Variants in L3MBTL2 observed in about 807,000 individuals in gnomAD.
L3MBTL2 encodes L3MBTL histone methyl-lysine binding protein 2.
In L3MBTL2, 49 loss-of-function variants were observed where a neutral mutation model predicts 86.4. The observed-to-expected ratio is 0.57, with a 90% CI of 0.45 to 0.72. The LOEUF is 0.72. L3MBTL2 is among the 30% of genes least tolerant of loss of function. L3MBTL2 has a pLI of 0.00. For synonymous variants in L3MBTL2, 336 were observed against 350.6 expected (o/e 0.96, Z 0.47); for missense variants, 755 against 923.7 (o/e 0.82, Z 2.37).
intron 1 of L3MBTL2, 103 bp downstream of exon 1, chr22:41,205,489 TG>T: frequency 7.4e-7 from 1 of 1,346,316 alleles, no homozygotes. Flanking sequence ...GGGTGGAGGG[TG>T]GGAGGATGGA....
chr22:41,227,013 G>A lies in L3MBTL2; in HGVS notation c.1588-76G>A, dbSNP rs950918276. On this transcript the variant is annotated intron_variant, in intron 13 of 16. Coordinates refer to ENST00000216237, the MANE Select transcript of L3MBTL2 (RefSeq NM_031488.5). This position sits in a 1 kb window ranked among gnomAD's most constrained non-coding sequence, Gnocchi z 6.0. Reference sequence around the variant, plus strand: ...CCGCCCCTCCCTGCCAGTTCTTCAAGTGCCTCCGGGCCGGGGCAAGCCTGC... The same window carrying A: ...CCGCCCCTCCCTGCCAGTTCTTCAAATGCCTCCGGGCCGGGGCAAGCCTGC... 1.5e-6 allele frequency: 2 copies of A among 1,320,020 alleles called. No homozygotes were observed. Among genetic ancestry groups the A allele is most frequent in the Non-Finnish European group, 2.1e-6 (2 of 952,914 alleles). The allele number at this position is 1,320,020 out of a possible 1,614,324, so 81.8% of individuals were successfully genotyped here.
Position 41,229,610 on chromosome 22 carries a change from C to T in L3MBTL2, c.1959C>T (p.Asp653=), listed in dbSNP as rs374761765. Residue 653 remains aspartate, a synonymous_variant, in exon 16 of 17, where the codon GAC becomes GAT. Transcript: ENST00000216237. The part of the protein sequence containing the change: ...QGSKKPLLED[D]PQGARKISSE... ...CCAAGAAGCCCCTGCTGGAGGACGA[C>T]CCTCAGGGTGCCAGGAAGATCTCGT... 4 of 1,613,812 alleles carry T rather than the reference C, an allele frequency of 2.5e-6. No individual in the cohort carries two copies. The highest frequency in any genetic ancestry group is 3.4e-6 in the Non-Finnish European group (4 of 1,179,946).
chr22:41,208,084 G>A (rs191764618), intron 1 of L3MBTL2, among the ~76,000 whole-genome samples: 1 of 151,978 alleles, frequency 6.6e-6, no homozygotes, highest in African/African-American at 2.4e-5. Context: ...CGCCCGCCTC[G>A]GTCACCCAAA....
intron 4 of L3MBTL2, among the ~76,000 whole-genome samples, chr22:41,216,728 C>G (rs1014036319): frequency 6.6e-6 from 1 of 152,176 alleles, no homozygotes; most frequent in African/African-American, 2.4e-5. Context: ...CTCAGCAGGC[C>G]GGAGCTCAGT....
chr22:41,211,174 G>A (rs929882280), intron 2 of L3MBTL2, among the ~76,000 whole-genome samples: 1 of 152,062 alleles, frequency 6.6e-6, no homozygotes, highest in African/African-American at 2.4e-5. Context: ...TAGTCTGTGA[G>A]GACACTGCCA....
rs1052726759 is a variant in L3MBTL2, at chr22:41,225,497, C to T, written c.1357-297C>T. 1.2e-4 allele frequency among the ~76,000 whole-genome samples: 19 copies of T among 152,178 alleles called. No individual in the cohort carries two copies. Among genetic ancestry groups the T allele is most frequent in the African/African-American group, 4.1e-4 (17 of 41,442 alleles). ...CTGGAGGAGGCTGCTGACTCGTCCT[C>T]GCCGCGGATCCGCTCCATGCCGGGC... On this transcript the variant is annotated intron_variant, in intron 11 of 16. Transcript: ENST00000216237. The surrounding 1 kb of genome is among the most constrained non-coding windows in gnomAD (Gnocchi z 4.1).
At chr22:41,217,626 G>A (rs577240799) in intron 5 of L3MBTL2, 475 of 183,276 alleles carry the variant, frequency 2.6e-3, no homozygotes, top group Non-Finnish European at 4.4e-3. Flanking sequence ...TCCTCGATGC[G>A]GATCATGTAA....
intron 8 of L3MBTL2, among the ~76,000 whole-genome samples, 169 bp from the exon 9 acceptor site, chr22:41,223,851 G>A (rs2031998624): frequency 1.3e-5 from 2 of 152,144 alleles, no homozygotes; most frequent in African/African-American, 4.8e-5. Context: ...CTCCTAGGGA[G>A]TCAGGGCCAA....
chr22:41,225,070 A>G lies in L3MBTL2; in HGVS notation c.1355A>G (p.Lys452Arg). Residue 452 changes from lysine (K) to arginine (R), a missense_variant and splice_region_variant, in exon 11 of 17, where the codon AAG becomes AGG. This residue lies in a region of L3MBTL2 where 634 missense variants were observed against 748.9 expected (regional missense o/e 0.85). Coordinates refer to ENST00000216237, the MANE Select transcript of L3MBTL2 (RefSeq NM_031488.5). The surrounding 1 kb of genome is among the most constrained non-coding windows in gnomAD (Gnocchi z 4.1). ...LGNICVATVC[K>R]VLLDGYLMIC... ...AACATCTGCGTGGCAACTGTCTGTAAGGTGAGCCAGGGGCCGGCTCTCCAG... is the reference window on the plus strand; with the variant it reads ...AACATCTGCGTGGCAACTGTCTGTAGGGTGAGCCAGGGGCCGGCTCTCCAG... 1 of 1,611,996 alleles carries G rather than the reference A, an allele frequency of 6.2e-7. No homozygotes were observed. Among genetic ancestry groups the G allele is most frequent in the Non-Finnish European group, 8.5e-7 (1 of 1,178,580 alleles).
rs768395214 is a variant in L3MBTL2 at position 41,213,668 on chromosome 22, CT to C, written c.263-224del. Reference sequence around the variant, plus strand: ...CGTCCTCATGGATTTCCATTAGCCCCTCTGTTGACATCTGTAGCCAAGGGAG... The same window carrying C: ...CGTCCTCATGGATTTCCATTAGCCCCCTGTTGACATCTGTAGCCAAGGGAG... On this transcript the variant is annotated intron_variant, in intron 2 of 16. Transcript: ENST00000216237. 3.5e-4 allele frequency: 151 copies of C among 431,120 alleles called. 1 individual carries two copies. The highest frequency in any genetic ancestry group is 2.1e-3 in the South Asian group (52 of 24,536). 26.7% of individuals were successfully genotyped at this position (431,120 alleles called of 1,614,324 possible).
rs115446466 is a variant in L3MBTL2 at position 41,224,474 on chromosome 22, G to A, written c.1174+223G>A. Among the ~76,000 whole-genome samples, 121 of 152,288 alleles carry A rather than the reference G, an allele frequency of 7.9e-4. No homozygotes were observed. The highest frequency in any genetic ancestry group is 2.8e-3 in the African/African-American group (115 of 41,548). On this transcript the variant is annotated intron_variant, in intron 9 of 16. Transcript: ENST00000216237. The surrounding 1 kb of genome is among the most constrained non-coding windows in gnomAD (Gnocchi z 4.9). ...TTTGAACCCAGATGCTACCAGCCCC[G>A]ATCCTCTCCCCTGTCAATGCGGGAG...
At chr22:41,212,984 C>T (rs932372594) in intron 2 of L3MBTL2, among the ~76,000 whole-genome samples, 1 of 151,610 alleles carries the variant, frequency 6.6e-6, no homozygotes, top group Non-Finnish European at 1.5e-5. Context: ...TTTGGGAGGC[C>T]GACACGGCGG....
chr22:41,219,203 A>G (rs2031628330), intron 5 of L3MBTL2: 4 of 468,470 alleles, frequency 8.5e-6, no homozygotes, highest in Non-Finnish European at 1.6e-5. Context: ...GTCTCTAGCC[A>G]TCACCCTGCA....
Position 41,226,093 on chromosome 22 carries a change from A to G in L3MBTL2, c.1504+152A>G, listed in dbSNP as rs1431700657. Reference sequence around the variant, plus strand: ...GGAGTTTGAGACCAGCCTGGCCAACATGACAAAACCTCGTCTCTACTAAAA... The same window carrying G: ...GGAGTTTGAGACCAGCCTGGCCAACGTGACAAAACCTCGTCTCTACTAAAA... On this transcript the variant is annotated intron_variant, in intron 12 of 16. Coordinates refer to ENST00000216237, the MANE Select transcript of L3MBTL2 (RefSeq NM_031488.5). The G allele has an allele frequency of 1.7e-5, 13 of 782,760 alleles. No individual in the cohort carries two copies. In the East Asian group the frequency reaches 2.2e-4, roughly 13 times the overall value. The allele number at this position is 782,760 out of a possible 1,614,324, so 48.5% of individuals were successfully genotyped here.
At position 41,231,259 on chromosome 22, in the gene L3MBTL2, C is replaced by T. The variant is rs1337549629; in HGVS notation, c.*1008C>T. 6.6e-6 allele frequency: 1 copy of T among 152,200 alleles called. No individual in the cohort carries two copies. Among genetic ancestry groups the T allele is most frequent in the Non-Finnish European group, 1.5e-5 (1 of 68,044 alleles). 9.4% of individuals were successfully genotyped at this position (152,200 alleles called of 1,614,324 possible). A position where few individuals can be genotyped will look rare whatever the true frequency, so the allele number is the denominator to read the frequency against. ...ACTCTGTGTGTGAGAAATTAAACCC[C>T]CTGCTTGCTTGAGTCCCGTTTGTTA... On this transcript the variant is annotated 3_prime_UTR_variant, in exon 17 of 17. Transcript: ENST00000216237.
Position 41,225,830 on chromosome 22 carries a change from G to C in L3MBTL2, c.1393G>C (p.Gly465Arg). Residue 465 changes from glycine (G) to arginine (R), a missense_variant, in exon 12 of 17, where the codon GGG becomes CGG. Transcript: ENST00000216237. The surrounding 1 kb of genome is among the most constrained non-coding windows in gnomAD (Gnocchi z 4.1). ...TGGATACCTGATGATCTGTGTGGAC[G>C]GGGGGCCCTCCACAGATGGCTTGGA... Reference protein sequence around the residue: ...LDGYLMICVDGGPSTDGLDWF... With the variant: ...LDGYLMICVDRGPSTDGLDWF... 2 of 1,613,800 alleles carry C rather than the reference G, an allele frequency of 1.2e-6. No individual in the cohort carries two copies. Among genetic ancestry groups the C allele is most frequent in the Non-Finnish European group, 1.7e-6 (2 of 1,179,806 alleles).
intron 5 of L3MBTL2, chr22:41,219,007 C>A: frequency 6.2e-6 from 1 of 161,490 alleles, no homozygotes; most frequent in Non-Finnish European, 1.4e-5. Flanking sequence ...GGTCATAATG[C>A]CCACAGCCCA....
chr22:41,209,641 G>A (rs569087833), intron 1 of L3MBTL2, 55 bp from the exon 2 acceptor site: 103 of 1,511,126 alleles, frequency 6.8e-5, no homozygotes, highest in African/African-American at 1.5e-4. Context: ...TTCTCCCCCC[G>A]TGCACTAAAG....
rs747918741 is a variant in L3MBTL2 at position 41,220,863 on chromosome 22, C to A, written c.848C>A (p.Pro283Gln). 3.7e-6 allele frequency: 6 copies of A among 1,612,782 alleles called. No individual in the cohort carries two copies. The African/African-American group carries it at 4.0e-5, about 11-fold the overall frequency. ...CAINSKILVP[P>Q]RTIHAKFTDW... ...ATCAACAGCAAGATCCTAGTGCCCC[C>A]ACGGAGTGAGTTGATGAGAACATTT... The change falls in exon 7 of 17, where the codon CCA (proline) becomes CAA (glutamine). Residue 283 changes from proline to glutamine, a missense_variant. Physicochemically the swap from Pro to Gln is moderately conservative, Grantham distance 76. Around this residue, in one of 3 missense-constraint regions of L3MBTL2, gnomAD observed 634 missense variants for 748.9 expected, o/e 0.85. Transcript: ENST00000216237.
Sources: gnomAD v4.1 joint callset for allele counts (sites outside exome capture counted in the v4.1 genomes callset) on GRCh38, gnomAD v4.1.1 for gene constraint, gnomAD v4.1.1 regional missense constraint, Gnocchi (gnomAD v3.1) non-coding constraint, MANE v1.5 for transcripts, NCBI Gene and HGNC (gene_info 2026-07-23, HGNC 2026-07-21) for gene names.